Variants in ABCG8 observed in about 807,000 individuals in gnomAD.
ABCG8 encodes the protein ATP-binding cassette sub-family G member 8.
In ABCG8, 81 loss-of-function variants were observed where a neutral mutation model predicts 71.3. That is an observed-to-expected ratio of 1.14 (90% CI 0.95 to 1.37). ABCG8 has a LOEUF of 1.37. Among genes scored for constraint, ABCG8 ranks in the 40% most tolerant of loss-of-function variants. ABCG8 has a pLI of 0.00. For missense variants in ABCG8, 1,119 were observed against 866.2 expected, an observed-to-expected ratio of 1.29 and a Z score of -3.66; for synonymous variants, 451 against 354.7, an observed-to-expected ratio of 1.27 and a Z score of -3.05.
In ABCG8 at chr2:43,877,170, C is replaced by G. The variant is rs1265374751; in HGVS notation, c.1757-391C>G. Among the ~76,000 whole-genome samples, 4 of 142,802 alleles carry G rather than the reference C, an allele frequency of 2.8e-5. No homozygotes were observed. In the Admixed American group the frequency reaches 2.8e-4, roughly 10 times the overall value. The allele number at this position is 142,802 out of a possible 152,430, so 93.7% of individuals were successfully genotyped here. A position where few individuals can be genotyped will look rare whatever the true frequency, so the allele number is the denominator to read the frequency against. ...GGAGACTGTGTGAATATGGGGAAGA[C>G]CATGTCAATATAAAGAAGACCATGG... On this transcript the variant is annotated intron_variant, in intron 11 of 12. Transcript: ENST00000272286.
intron 3 of ABCG8, chr2:43,846,766 T>C: frequency 4.6e-6 from 1 of 218,590 alleles, no homozygotes; most frequent in South Asian, 7.6e-5. Flanking sequence ...CAACTTTCAC[T>C]CATCTGCAAA....
chr2:43,860,612 TA>T (rs1381832254), intron 6 of ABCG8, among the ~76,000 whole-genome samples: 1 of 151,276 alleles, frequency 6.6e-6, no homozygotes, highest in Non-Finnish European at 1.5e-5. Flanking sequence ...TCTATCTCGA[TA>T]AAACTCTCAC....
At chr2:43,867,725 A>C (rs913052250) in intron 6 of ABCG8, among the ~76,000 whole-genome samples, 2 of 151,818 alleles carry the variant, frequency 1.3e-5, no homozygotes, top group Non-Finnish European at 2.9e-5. Flanking sequence ...CTCCGTATCA[A>C]TCTGGATAGA....
chr2:43,856,005 TCTCA>T (rs895988441), intron 6 of ABCG8, among the ~76,000 whole-genome samples: 23 of 152,098 alleles, frequency 1.5e-4, no homozygotes, highest in African/African-American at 4.8e-4. Context: ...TGGATAGAAC[TCTCA>T]CTATCTGAAT....
Position 43,877,691 on chromosome 2 carries a change from A to G in ABCG8, c.1884+3A>G. On this transcript the variant is annotated splice_donor_region_variant and intron_variant, in intron 12 of 12. Coordinates refer to ENST00000272286, the MANE Select transcript of ABCG8 (RefSeq NM_022437.3). ...CCATCGCGGTCTCAGGAGATAAAGT[A>G]AGCGGGGAAGGCCTCGGGTTCTAAA... 1 of 1,614,076 alleles carries G rather than the reference A, an allele frequency of 6.2e-7. No homozygotes were observed. Among genetic ancestry groups the G allele is most frequent in the Admixed American group, 1.7e-5 (1 of 60,020 alleles).
At chr2:43,853,751 C>T (rs899466507) in intron 6 of ABCG8, among the ~76,000 whole-genome samples, 1 of 152,206 alleles carries the variant, frequency 6.6e-6, no homozygotes, top group African/African-American at 2.4e-5. Flanking sequence ...CTGGAGCTTG[C>T]AGAGCTAAAC....
At position 43,871,959 on chromosome 2, in the gene ABCG8, A is replaced by G. The variant is rs1450558912; in HGVS notation, c.965-17A>G. 2 of 1,613,842 alleles carry G rather than the reference A, an allele frequency of 1.2e-6. No homozygotes were observed. Among genetic ancestry groups the G allele is most frequent in the African/African-American group, 2.7e-5 (2 of 74,928 alleles). ...CAGGGAACAGGCCACCTGTGACTCC[A>G]CATCCCCTGCTTGCAGTGGACCTGA... On this transcript the variant is annotated splice_polypyrimidine_tract_variant and intron_variant, in intron 6 of 12. Transcript: ENST00000272286.
intron 6 of ABCG8, among the ~76,000 whole-genome samples, chr2:43,862,867 C>T (rs1206269799): frequency 6.6e-6 from 1 of 151,262 alleles, no homozygotes; most frequent in Non-Finnish European, 1.5e-5. Flanking sequence ...GGATAGAACT[C>T]TCACTCTCTG....
At chr2:43,870,082 C>G (rs1484111174) in intron 6 of ABCG8, among the ~76,000 whole-genome samples, 3 of 149,298 alleles carry the variant, frequency 2.0e-5, no homozygotes. Flanking sequence ...TCTGCATAGA[C>G]TTCTCACCAT....
intron 1 of ABCG8, among the ~76,000 whole-genome samples, chr2:43,841,259 T>C (rs570613930): frequency 1.3e-5 from 2 of 152,284 alleles, no homozygotes; most frequent in East Asian, 3.9e-4. Flanking sequence ...GGCATCTGAC[T>C]CAGGAATTTG....
rs78601753 is a variant in ABCG8, at chr2:43,865,492, T to C, written c.965-6484T>C. On this transcript the variant is annotated intron_variant, in intron 6 of 12. Coordinates refer to ENST00000272286, the MANE Select transcript of ABCG8 (RefSeq NM_022437.3). The stretch of plus-strand genomic sequence containing the variant: ...GTCTCTGCATAGCACTCTCACTATC[T>C]GTCTGGATAGAATTCTCACTCTATG... 6.8e-3 allele frequency among the ~76,000 whole-genome samples: 962 copies of C among 142,468 alleles called. 10 individuals are homozygous for C. The highest frequency in any genetic ancestry group is 0.024 in the African/African-American group (915 of 37,784). 93.5% of individuals were successfully genotyped at this position (142,468 alleles called of 152,430 possible).
intron 6 of ABCG8, among the ~76,000 whole-genome samples, chr2:43,869,796 TATCTGGATAGAATTCTCACC>T (rs1669691944): frequency 6.6e-6 from 1 of 152,142 alleles, no homozygotes; most frequent in African/African-American, 2.4e-5. Context: ...GAACTCTCAC[TATCTGGATAGAATTCTCACC>T]ATCTGGCTAG....
At chr2:43,859,871 A>G (rs976735568) in intron 6 of ABCG8, among the ~76,000 whole-genome samples, 2 of 151,560 alleles carry the variant, frequency 1.3e-5, no homozygotes, top group Non-Finnish European at 3.0e-5. Flanking sequence ...CTCTCTGGAT[A>G]GAACTCTCAC....
At chr2:43,874,087 G>C in intron 9 of ABCG8, 101 bp downstream of exon 9, 1 of 1,220,570 alleles carries the variant, frequency 8.2e-7, no homozygotes, top group Non-Finnish European at 1.2e-6. Context: ...TTGTGATTGT[G>C]ATATATAAGA....
In ABCG8 at chr2:43,873,898, C is replaced by G; in HGVS notation, c.1323C>G (p.Ile441Met). ...TCCTCTATTTTGGCCATGGGAGCATCCAGCTCTCCTTCATGGATACAGCCG... is the reference window on the plus strand; with the variant it reads ...TCCTCTATTTTGGCCATGGGAGCATGCAGCTCTCCTTCATGGATACAGCCG... ...IGFLYFGHGS[I>M]QLSFMDTAAL... Residue 441 changes from isoleucine to methionine, a missense_variant, in exon 9 of 13, where the codon ATC becomes ATG. Coordinates refer to ENST00000272286, the MANE Select transcript of ABCG8 (RefSeq NM_022437.3). 1.2e-6 allele frequency: 2 copies of G among 1,614,084 alleles called. No homozygotes were observed. The highest frequency in any genetic ancestry group is 2.2e-5 in the South Asian group (2 of 91,068).
chr2:43,852,652 A>G lies in ABCG8; in HGVS notation c.748A>G (p.Asn250Asp). 1 of 1,614,128 alleles carries G rather than the reference A, an allele frequency of 6.2e-7. No individual in the cohort carries two copies. The highest frequency in any genetic ancestry group is 8.5e-7 in the Non-Finnish European group (1 of 1,180,020). The change falls in exon 6 of 13, where the codon AAC becomes GAC. Residue 250 changes from asparagine to aspartate, a missense_variant. Transcript: ENST00000272286. ...TGGGCTCGACAGCTTCACAGCCCAC[A>G]ACCTGGTGAAGACCTTGTCCAGGCT... ...TSGLDSFTAH[N>D]LVKTLSRLAK...
chr2:43,870,270 T>C (rs968957623), intron 6 of ABCG8, among the ~76,000 whole-genome samples: 1 of 151,826 alleles, frequency 6.6e-6, no homozygotes, highest in Non-Finnish European at 1.5e-5. Flanking sequence ...GGTAGAATTC[T>C]CACAATCTGG....
In ABCG8 at chr2:43,870,774, A is replaced by G. The variant is rs201307716; in HGVS notation, c.965-1202A>G. Among the ~76,000 whole-genome samples, 66 of 150,458 alleles carry G rather than the reference A, an allele frequency of 4.4e-4. No individual in the cohort carries two copies. The East Asian group carries it at 0.012, about 28-fold the overall frequency. On this transcript the variant is annotated intron_variant, in intron 6 of 12. Coordinates refer to ENST00000272286, the MANE Select transcript of ABCG8 (RefSeq NM_022437.3). ...AACTCTCATTTTCTGTCTGGATAGAATTTTCACCATCTGGATAGAATCTCA... is the reference window on the plus strand; with the variant it reads ...AACTCTCATTTTCTGTCTGGATAGAGTTTTCACCATCTGGATAGAATCTCA...
At chr2:43,840,984 G>C (rs902959681) in intron 1 of ABCG8, among the ~76,000 whole-genome samples, 2 of 152,218 alleles carry the variant, frequency 1.3e-5, no homozygotes, top group Admixed American at 1.3e-4. Flanking sequence ...TGGGCACCTG[G>C]AGTGGCAAGT....
Sources: allele counts gnomAD v4.1 joint callset (sites outside exome capture counted in the v4.1 genomes callset), GRCh38; gene constraint gnomAD v4.1.1; transcripts MANE v1.5; gene names NCBI Gene and HGNC (gene_info 2026-07-23, HGNC 2026-07-21).